Variants in TMTC2 observed in about 807,000 individuals in gnomAD.
TMTC2 encodes transmembrane O-mannosyltransferase targeting cadherins 2.
TMTC2 carries 43 observed loss-of-function variants against 82.4 expected under a neutral mutation model. The ratio of observed to expected loss-of-function variants is 0.52; its 90% CI spans 0.41 to 0.67. TMTC2 has a LOEUF of 0.67. Among genes scored for constraint, TMTC2 ranks in the 30% least tolerant of loss-of-function variants. TMTC2 has a pLI of 0.00. For synonymous variants in TMTC2, 408 were observed against 381.9 expected (o/e 1.07, Z -0.80); for missense variants, 919 against 1,012.4 (o/e 0.91, Z 1.25).
rs117720997 is a variant in TMTC2 at position 82,755,617 on chromosome 12, G to A, written c.83+67948G>A. The stretch of plus-strand genomic sequence containing the variant: ...CCATCACGTTTGAGAGGAAGGCAGA[G>A]CTTGGAGCTGGAGATACAGAATCCT... On this transcript the variant is annotated intron_variant, in intron 1 of 11. Transcript: ENST00000321196. Among the ~76,000 whole-genome samples, 1,167 of 152,284 alleles carry A rather than the reference G, an allele frequency of 7.7e-3. 13 individuals are homozygous for A. Among genetic ancestry groups the A allele is most frequent in the Middle Eastern group, 0.02 (6 of 294 alleles).
intron 3 of TMTC2, among the ~76,000 whole-genome samples, chr12:82,909,514 G>A (rs781772113): frequency 6.6e-6 from 1 of 151,818 alleles, no homozygotes; most frequent in African/African-American, 2.4e-5. Flanking sequence ...CAATTTTTTT[G>A]TATTTTTAGT....
intron 1 of TMTC2, among the ~76,000 whole-genome samples, chr12:82,823,100 C>T (rs969121143): frequency 6.6e-6 from 1 of 152,184 alleles, no homozygotes; most frequent in Non-Finnish European, 1.5e-5. Context: ...ACCTGTGGTA[C>T]TTCCTCTTCT....
chr12:83,114,506 G>A (rs1206226657), intron 11 of TMTC2, among the ~76,000 whole-genome samples: 1 of 152,100 alleles, frequency 6.6e-6, no homozygotes. Context: ...GAATATGTAT[G>A]CCTAACCCTA....
At chr12:82,817,647 A>G (rs74106143) in intron 1 of TMTC2, among the ~76,000 whole-genome samples, 228 of 152,288 alleles carry the variant, frequency 1.5e-3, no homozygotes, top group African/African-American at 5.2e-3. Context: ...GTCTTTAGTC[A>G]TTAAACTTTG....
chr12:82,925,981 T>G (rs1397297202), intron 3 of TMTC2, among the ~76,000 whole-genome samples: 1 of 108,438 alleles, frequency 9.2e-6, no homozygotes, highest in Non-Finnish European at 1.9e-5. Context: ...AGAAAATTGT[T>G]TTTTTTTTTT....
Position 82,997,414 on chromosome 12 carries a change from A to ATATATATATATGTGTATATATATATGTG in TMTC2, c.2070+11379_2070+11380insGTGTATATATATATGTGTATATATATAT, listed in dbSNP as rs1565845349. Among the ~76,000 whole-genome samples, 16 of 29,956 alleles carry ATATATATATATGTGTATATATATATGTG rather than the reference A, an allele frequency of 5.3e-4. 1 individual carries two copies. Among genetic ancestry groups the ATATATATATATGTGTATATATATATGTG allele is most frequent in the Non-Finnish European group, 8.9e-4 (11 of 12,318 alleles). The allele number at this position is 29,956 out of a possible 152,430, so 19.7% of individuals were successfully genotyped here. ...TATATATGTGTATATATATATGTGT[A>ATATATATATATGTGTATATATATATGTG]TATATATATATATACACACAGAGAG... On this transcript the variant is annotated intron_variant, in intron 8 of 11. Transcript: ENST00000321196.
At chr12:82,826,185 A>G (rs1247299599) in intron 1 of TMTC2, among the ~76,000 whole-genome samples, 4 of 152,188 alleles carry the variant, frequency 2.6e-5, no homozygotes, top group Non-Finnish European at 5.9e-5. Flanking sequence ...AGGAGCACAT[A>G]TTTCTTTGTG....
At chr12:82,782,959 C>A (rs1253607419) in intron 1 of TMTC2, among the ~76,000 whole-genome samples, 1 of 152,066 alleles carries the variant, frequency 6.6e-6, no homozygotes, top group African/African-American at 2.4e-5. Context: ...TTTAGTCTTT[C>A]ATGGGTATAA....
chr12:83,050,782 A>T, intron 9 of TMTC2, 122 bp from the exon 10 acceptor site: 1 of 556,688 alleles, frequency 1.8e-6, no homozygotes, highest in East Asian at 3.0e-5. Context: ...CTAAATAATG[A>T]GTATGTTATT....
chr12:82,843,880 G>A (rs753380629), intron 1 of TMTC2, among the ~76,000 whole-genome samples: 2 of 152,108 alleles, frequency 1.3e-5, no homozygotes, highest in African/African-American at 2.4e-5. Flanking sequence ...CCCAGGAGGC[G>A]GAGGATGCAG....
At chr12:82,754,765 T>C (rs1876213113) in intron 1 of TMTC2, among the ~76,000 whole-genome samples, 2 of 151,982 alleles carry the variant, frequency 1.3e-5, no homozygotes, top group African/African-American at 4.8e-5. Flanking sequence ...AAATAAAAGG[T>C]ACTTCAGCTG....
chr12:82,943,459 C>T (rs904125227), intron 4 of TMTC2, among the ~76,000 whole-genome samples: 2 of 152,164 alleles, frequency 1.3e-5, no homozygotes, highest in African/African-American at 2.4e-5. Flanking sequence ...ACATTTTGTA[C>T]TCAGTTGTTG....
intron 2 of TMTC2, among the ~76,000 whole-genome samples, chr12:82,881,328 C>T (rs909285422): frequency 3.3e-5 from 5 of 152,052 alleles, no homozygotes; most frequent in Non-Finnish European, 5.9e-5. Context: ...AAAATCTTAC[C>T]GTGAATTTGT....
At chr12:82,995,524 A>G (rs1176276280) in intron 8 of TMTC2, among the ~76,000 whole-genome samples, 1 of 152,154 alleles carries the variant, frequency 6.6e-6, no homozygotes, top group Non-Finnish European at 1.5e-5. Context: ...AGGCTCAGCA[A>G]CCTGAAGCAT....
intron 4 of TMTC2, among the ~76,000 whole-genome samples, chr12:82,939,663 A>T (rs1006340122): frequency 1.3e-5 from 2 of 152,150 alleles, no homozygotes; most frequent in African/African-American, 4.8e-5. Flanking sequence ...ATAGCTACCT[A>T]TCACTTAGAA....
chr12:82,750,230 A>G (rs183541219), intron 1 of TMTC2, among the ~76,000 whole-genome samples: 3 of 103,310 alleles, frequency 2.9e-5, no homozygotes, highest in East Asian at 6.2e-4. Context: ...ACTGAACTCT[A>G]AAAGTTTAAT....
rs76714160 is a variant in TMTC2 at position 82,707,809 on chromosome 12, G to A, written c.83+20140G>A. Among the ~76,000 whole-genome samples, 1,219 of 152,312 alleles carry A rather than the reference G, an allele frequency of 8.0e-3. 13 individuals are homozygous for A. Among genetic ancestry groups the A allele is most frequent in the African/African-American group, 0.028 (1,170 of 41,556 alleles). ...GAAGGTGGGAGGATCACAGAGGTCG[G>A]TGAAACCTATGAAGTCCTCTTCTGT... On this transcript the variant is annotated intron_variant, in intron 1 of 11. Coordinates refer to ENST00000321196, the MANE Select transcript of TMTC2 (RefSeq NM_152588.3).
Position 83,050,884 on chromosome 12 carries a change from C to A in TMTC2, c.2153-20C>A. On this transcript the variant is annotated intron_variant, in intron 9 of 11. Transcript: ENST00000321196. ...ATGGGATTTTCTGAGTTGAAGCTCA[C>A]TGGTTTTTATACTTTTCAGGTCAGT... The A allele has an allele frequency of 6.4e-7, 1 of 1,567,406 alleles. No homozygotes were observed.
intron 4 of TMTC2, among the ~76,000 whole-genome samples, chr12:82,944,080 G>A (rs1876862159): frequency 6.6e-6 from 1 of 152,130 alleles, no homozygotes; most frequent in South Asian, 2.1e-4. Context: ...CTAAGTTTGA[G>A]GTGACTATTG....
Sources: allele counts gnomAD v4.1 joint callset (sites outside exome capture counted in the v4.1 genomes callset), GRCh38; gene constraint gnomAD v4.1.1; transcripts MANE v1.5; gene names NCBI Gene and HGNC (gene_info 2026-07-23, HGNC 2026-07-21).